WDR36: variants seen among roughly 807,000 people sequenced by gnomAD.
WDR36 encodes the protein WD repeat domain 36, also known as WD repeat-containing protein 36.
A neutral mutation model predicts 112.7 loss-of-function variants in WDR36; 63 were observed. The ratio of observed to expected loss-of-function variants is 0.56; its 90% confidence interval spans 0.46 to 0.69. The LOEUF is 0.69. WDR36 is among the 30% of genes least tolerant of loss of function. The pLI is 0.00. For synonymous variants in WDR36, 410 were observed against 362.2 expected (o/e 1.13, Z -1.50); for missense variants, 1,226 against 1,070.3 (o/e 1.15, Z -2.03).
At chr5:111,121,902 T>G (rs1753574555) in intron 19 of WDR36, among the ~76,000 whole-genome samples, 1 of 152,186 alleles carries the variant, frequency 6.6e-6, no homozygotes. Context: ...ACACATACAC[T>G]AGATCTGCTG....
intron 15 of WDR36, among the ~76,000 whole-genome samples, chr5:111,112,771 G>T (rs938145314): frequency 6.6e-6 from 1 of 151,684 alleles, no homozygotes; most frequent in African/African-American, 2.4e-5. Flanking sequence ...ATAAATAGAA[G>T]ATTGTGATTT....
chr5:111,110,944 A>T lies in WDR36; in HGVS notation c.1598A>T (p.His533Leu). ...TCATCTCCAAATATCATGTTGCTAC[A>T]TAGGGACAGGTAAACTTTTAATGAT... is the stretch of plus-strand genomic sequence containing the variant. ...LSSSPNIMLLHRDSGILGLAL... is the reference protein window; with the variant it reads ...LSSSPNIMLLLRDSGILGLAL... The change falls in exon 14 of 23, where the codon CAT becomes CTT. Residue 533 changes from histidine to leucine, a missense_variant. Physicochemically the swap from His to Leu is moderately conservative, Grantham distance 99. Coordinates refer to ENST00000513710, the MANE Select transcript of WDR36 (RefSeq NM_139281.3). The T allele has an allele frequency of 6.2e-7, 1 of 1,611,152 alleles. No homozygotes were observed.
At chr5:111,106,767 C>T (rs534637732) in intron 11 of WDR36, among the ~76,000 whole-genome samples, 12 of 151,438 alleles carry the variant, frequency 7.9e-5, no homozygotes, top group African/African-American at 2.9e-4. Context: ...ATCTCATCTC[C>T]TTAACATGAC....
At chr5:111,119,159 G>A in intron 17 of WDR36, 39 bp downstream of exon 17, 2 of 1,505,590 alleles carry the variant, frequency 1.3e-6, no homozygotes, top group Non-Finnish European at 1.8e-6. Context: ...GGATGAAGAA[G>A]ATTGTATTGT....
In WDR36 at chr5:111,113,052, A is replaced by ATATATATTT. The variant is rs35527062; in HGVS notation, c.1717-21_1717-20insATATATTTT. On this transcript the variant is annotated intron_variant, in intron 15 of 22. Transcript: ENST00000513710. The stretch of plus-strand genomic sequence containing the variant: ...ATATAAATAATATATATATATATAT[A>ATATATATTT]TTTTTTTTTTTTAATTTAAAGGCTT... 1.6e-4 allele frequency: 77 copies of ATATATATTT among 473,600 alleles called. No individual in the cohort carries two copies. In the Middle Eastern group the frequency reaches 2.2e-3, roughly 13 times the overall value. The allele number at this position is 473,600 out of a possible 1,614,324, so 29.3% of individuals were successfully genotyped here.
chr5:111,120,303 A>G (rs181532396), intron 17 of WDR36, among the ~76,000 whole-genome samples, 193 bp from the exon 18 acceptor site: 1 of 152,318 alleles, frequency 6.6e-6, no homozygotes, highest in East Asian at 1.9e-4. Flanking sequence ...AAGAGACTCA[A>G]TAATGTATTT....
chr5:111,116,005 C>T (rs903370816), intron 16 of WDR36, among the ~76,000 whole-genome samples: 5 of 151,666 alleles, frequency 3.3e-5, no homozygotes, highest in East Asian at 1.9e-4. Context: ...TACAGTGGTA[C>T]GATCTCGGCT....
At chr5:111,099,215 G>A (rs1029220337) in intron 4 of WDR36, among the ~76,000 whole-genome samples, 1 of 151,980 alleles carries the variant, frequency 6.6e-6, no homozygotes, top group East Asian at 1.9e-4. Flanking sequence ...ACTTGATCTT[G>A]TAATCTGAAG....
chr5:111,099,452 T>C (rs542448717), intron 4 of WDR36, among the ~76,000 whole-genome samples: 2 of 74,894 alleles, frequency 2.7e-5, no homozygotes, highest in African/African-American at 1.3e-4. Context: ...TTTTTTTTTG[T>C]TTTTTTTTTT....
chr5:111,104,750 G>T lies in WDR36; in HGVS notation c.960G>T (p.Met320Ile). Residue 320 changes from methionine to isoleucine, a missense_variant, in exon 9 of 23, where the codon ATG becomes ATT. Transcript: ENST00000513710. Reference protein sequence around the residue: ...TGEGRLLRFRMGHSAPLTNIR... With the variant: ...TGEGRLLRFRIGHSAPLTNIR... ...AAGGCCGACTTTTGAGATTCAGAAT[G>T]GGTCATAGTGCTCCTCTTACCAATA... 6.2e-7 allele frequency: 1 copy of T among 1,611,366 alleles called. No individual in the cohort carries two copies. Among genetic ancestry groups the T allele is most frequent in the Non-Finnish European group, 8.5e-7 (1 of 1,177,986 alleles).
At position 111,100,614 on chromosome 5, in the gene WDR36, TA is replaced by T; in HGVS notation, c.438del (p.Lys146AsnfsTer16). On this transcript the variant is annotated frameshift_variant, in exon 5 of 23. Transcript: ENST00000513710. LOFTEE classifies it high-confidence loss of function. ...AAGAATACCTGCAGTTGACTTTTGA[TA>T]AATCAGTATTTAAAATTTCTGCAAT... is the stretch of plus-strand genomic sequence containing the variant. Reference protein sequence around the residue: ...EEEYLQLTFDKSVFKISAILH... With the variant: ...EEEYLQLTFDXSVFKISAILH... 6.3e-7 allele frequency: 1 copy of T among 1,591,494 alleles called. No individual in the cohort carries two copies. Among genetic ancestry groups the T allele is most frequent in the Non-Finnish European group, 8.6e-7 (1 of 1,165,334 alleles).
intron 4 of WDR36, among the ~76,000 whole-genome samples, chr5:111,099,177 C>A (rs942652531): frequency 2.0e-5 from 3 of 151,910 alleles, no homozygotes; most frequent in African/African-American, 7.3e-5. Flanking sequence ...GTATTTTCAC[C>A]TTTTAGTAAA....
rs1753703622 is a variant in WDR36, at chr5:111,127,824, A to G, written c.*941A>G. 9.4e-6 allele frequency: 2 copies of G among 212,254 alleles called. No individual in the cohort carries two copies. Among genetic ancestry groups the G allele is most frequent in the East Asian group, 7.0e-5 (1 of 14,240 alleles). The allele number at this position is 212,254 out of a possible 1,614,324, so 13.1% of individuals were successfully genotyped here. On this transcript the variant is annotated 3_prime_UTR_variant, in exon 23 of 23. Transcript: ENST00000513710. ...TGTCCTCTGAAAAGGTAAAAATTCC[A>G]TAAATCCTTGCAAACAATTTTTAGC...
In WDR36 at chr5:111,092,492, G is replaced by T; in HGVS notation, c.36G>T (p.Ala12=). The change falls in exon 1 of 23, where the codon GCG becomes GCT. Residue 12 remains alanine (A), a synonymous_variant. Coordinates refer to ENST00000513710, the MANE Select transcript of WDR36 (RefSeq NM_139281.3). The part of the protein sequence containing the change: ...ERASERRTAS[A]LFAGFRALGL... ...CCTCAGAAAGGCGCACGGCCAGCGC[G>T]CTTTTTGCGGGGTTCCGGGCCTTGG... 6.2e-7 allele frequency: 1 copy of T among 1,614,256 alleles called. No individual in the cohort carries two copies. Among genetic ancestry groups the T allele is most frequent in the Non-Finnish European group, 8.5e-7 (1 of 1,180,048 alleles).
At chr5:111,118,261 C>T (rs1034298593) in intron 16 of WDR36, among the ~76,000 whole-genome samples, 1 of 152,148 alleles carries the variant, frequency 6.6e-6, no homozygotes, top group Non-Finnish European at 1.5e-5. Context: ...TTCTCTTAGC[C>T]AGGAAATGCT....
intron 2 of WDR36, among the ~76,000 whole-genome samples, chr5:111,096,162 A>C (rs1752973948): frequency 6.6e-6 from 1 of 152,222 alleles, no homozygotes; most frequent in African/African-American, 2.4e-5. Flanking sequence ...AGAGGAAATG[A>C]AAAGGTCAGT....
intron 12 of WDR36, among the ~76,000 whole-genome samples, chr5:111,108,828 TA>T (rs1753269443): frequency 6.6e-6 from 1 of 151,320 alleles, no homozygotes. Context: ...CTAGAATCTA[TA>T]TTCTTATAGC....
chr5:111,101,955 TCATATAACAGTCA>T (rs1174212193), intron 5 of WDR36, among the ~76,000 whole-genome samples: 10 of 151,960 alleles, frequency 6.6e-5, no homozygotes, highest in African/African-American at 2.4e-4. Context: ...ATTACTGTTG[TCATATAACAGTCA>T]TATAACATGC....
rs1163885151 is a variant in WDR36, at chr5:111,121,069, T to A, written c.2076T>A (p.Asn692Lys). The A allele has an allele frequency of 6.2e-7, 1 of 1,613,474 alleles. No individual in the cohort carries two copies. Among genetic ancestry groups the A allele is most frequent in the South Asian group, 1.1e-5 (1 of 91,068 alleles). ...AATATGATTCGCCAGAACAGTTGAA[T>A]GAGCAATTGGTGACTCTTTCACTTC... ...LIEYDSPEQL[N>K]EQLVTLSLLP... The change falls in exon 19 of 23, where the codon AAT becomes AAA. Residue 692 changes from asparagine to lysine, a missense_variant. Transcript: ENST00000513710.
Sources: allele counts gnomAD v4.1 joint callset (sites outside exome capture counted in the v4.1 genomes callset), GRCh38; gene constraint gnomAD v4.1.1; transcripts MANE v1.5; gene names NCBI Gene and HGNC (gene_info 2026-07-23, HGNC 2026-07-21).